CRHR2: variants seen among roughly 807,000 people sequenced by gnomAD.
CRHR2 encodes the protein corticotropin-releasing hormone receptor 2.
In CRHR2, 53 loss-of-function variants were observed where a neutral mutation model predicts 57.9. That is an observed-to-expected ratio of 0.92 (90% CI 0.73 to 1.15). CRHR2 has a LOEUF of 1.15. CRHR2 is among the 50% of genes most tolerant of loss of function. CRHR2 has a pLI of 0.00. For synonymous variants in CRHR2, 213 were observed against 220.9 expected, an observed-to-expected ratio of 0.96 and a Z score of 0.32; for missense variants, 532 against 542.6, an observed-to-expected ratio of 0.98 and a Z score of 0.19.
chr7:30,688,752 G>A, intron 2 of CRHR2: 1 of 454,918 alleles, frequency 2.2e-6, no homozygotes, highest in Non-Finnish European at 4.4e-6. Context: ...CTGTGAATCA[G>A]CCACTGGAAA....
intron 2 of CRHR2, among the ~76,000 whole-genome samples, chr7:30,687,787 G>A (rs1033906277): frequency 1.8e-4 from 27 of 152,304 alleles, no homozygotes; most frequent in African/African-American, 5.8e-4. Flanking sequence ...GCAGGGAGAA[G>A]GCTATGGGTC....
At chr7:30,668,909 A>G (rs368451237) in intron 2 of CRHR2, among the ~76,000 whole-genome samples, 7 of 151,936 alleles carry the variant, frequency 4.6e-5, no homozygotes, top group East Asian at 3.9e-4. Flanking sequence ...ATGGCGCCCA[A>G]CTCCCCAGGT....
chr7:30,698,018 C>T (rs1414974754), intron 1 of CRHR2: 1 of 152,498 alleles, frequency 6.6e-6, no homozygotes, highest in Non-Finnish European at 1.5e-5. Context: ...GGGCAGTCCT[C>T]CTTAAACACT....
At chr7:30,686,236 A>G (rs1784853326), upstream of CRHR2, among the ~76,000 whole-genome samples, 1 of 152,160 alleles carries the variant, frequency 6.6e-6, no homozygotes, top group Non-Finnish European at 1.5e-5. Flanking sequence ...GTGCTGGCCT[A>G]TGTCACATCC....
At position 30,658,449 on chromosome 7, in the gene CRHR2, G is replaced by C. The variant is rs1783872270; in HGVS notation, c.831+2124C>G. Among the ~76,000 whole-genome samples the C allele has an allele frequency of 3.3e-5, 5 of 152,154 alleles. No individual in the cohort carries two copies. In the South Asian group the frequency reaches 8.3e-4, roughly 25 times the overall value. On this transcript the variant is annotated intron_variant, in intron 8 of 11. Transcript: ENST00000471646. Reference sequence around the variant, plus strand: ...CTAGCTGGGGGCCTGGAGGGGTTGGGGGTGGGGGAGATGACATCTTTCCTA... The same window carrying C: ...CTAGCTGGGGGCCTGGAGGGGTTGGCGGTGGGGGAGATGACATCTTTCCTA...
chr7:30,652,670 A>G lies in CRHR2; in HGVS notation c.*790T>C, dbSNP rs1028561382. On this transcript the variant is annotated 3_prime_UTR_variant, in exon 12 of 12. Coordinates refer to ENST00000471646, the MANE Select transcript of CRHR2 (RefSeq NM_001883.5). This position sits in a 1 kb window ranked among gnomAD's most constrained non-coding sequence, Gnocchi z 4.4. ...AAAGGGCAATGGGGTATGAGTTTCAATCACTGAAGACATGGTTGGTTTCTG... is the reference window on the plus strand; with the variant it reads ...AAAGGGCAATGGGGTATGAGTTTCAGTCACTGAAGACATGGTTGGTTTCTG... 3.3e-5 allele frequency: 5 copies of G among 152,358 alleles called. No individual in the cohort carries two copies. The highest frequency in any genetic ancestry group is 1.2e-4 in the African/African-American group (5 of 41,460). 9.4% of individuals were successfully genotyped at this position (152,358 alleles called of 1,614,324 possible).
chr7:30,676,184 T>A (rs1784510707), intron 2 of CRHR2, among the ~76,000 whole-genome samples: 1 of 152,212 alleles, frequency 6.6e-6, no homozygotes, highest in Admixed American at 6.5e-5. Context: ...TAGAGCGCTC[T>A]GCAGCCGGGC....
At chr7:30,667,147 C>T in intron 3 of CRHR2, 81 bp downstream of exon 3, 3 of 1,283,796 alleles carry the variant, frequency 2.3e-6, no homozygotes, top group Non-Finnish European at 2.3e-6. Context: ...ACTGGTCTGC[C>T]CCCCTTGGGA....
intron 2 of CRHR2, among the ~76,000 whole-genome samples, chr7:30,681,208 G>A (rs1287866094): frequency 1.3e-5 from 2 of 152,162 alleles, no homozygotes; most frequent in Non-Finnish European, 2.9e-5. Flanking sequence ...TGATTTGCCA[G>A]GAGGAAGGCA....
chr7:30,678,230 G>C, intron 2 of CRHR2, among the ~76,000 whole-genome samples: 1 of 152,200 alleles, frequency 6.6e-6, no homozygotes, highest in Admixed American at 6.5e-5. Flanking sequence ...CTTTTTGAAA[G>C]GCAGCAGAAC....
At chr7:30,657,496 C>T (rs1252947268) in intron 8 of CRHR2, among the ~76,000 whole-genome samples, 1 of 152,200 alleles carries the variant, frequency 6.6e-6, no homozygotes, top group Admixed American at 6.5e-5. Flanking sequence ...ACACAAGTCA[C>T]CTTAACATAT....
intron 10 of CRHR2, 60 bp from the exon 11 acceptor site, chr7:30,655,140 G>T: frequency 6.3e-7 from 1 of 1,576,366 alleles, no homozygotes; most frequent in Non-Finnish European, 8.7e-7. Flanking sequence ...GTTCTGCCTG[G>T]TGGGGTGGCA....
At chr7:30,692,752 G>A (rs538696362) in intron 1 of CRHR2, among the ~76,000 whole-genome samples, 12 of 152,276 alleles carry the variant, frequency 7.9e-5, no homozygotes, top group South Asian at 2.1e-4. Flanking sequence ...AGAAGACAGC[G>A]GATTGAATCC....
upstream of CRHR2, among the ~76,000 whole-genome samples, chr7:30,683,312 T>A (rs553929731): frequency 2.0e-5 from 3 of 152,328 alleles, no homozygotes; most frequent in South Asian, 6.2e-4. Flanking sequence ...TGGGCAGGGC[T>A]TCACCTGACC....
chr7:30,669,054 G>T (rs1344638508), intron 2 of CRHR2, among the ~76,000 whole-genome samples: 1 of 152,238 alleles, frequency 6.6e-6, no homozygotes, highest in Non-Finnish European at 1.5e-5. Flanking sequence ...TGTAAGGAGG[G>T]TAAGTTCTTT....
chr7:30,686,252 G>A, upstream of CRHR2: 3 of 1,227,814 alleles, frequency 2.4e-6, no homozygotes, highest in Non-Finnish European at 2.1e-6. Context: ...CATCCAGGTT[G>A]CTTTTTATTC....
At chr7:30,686,965 G>C (rs1335755437), upstream of CRHR2, among the ~76,000 whole-genome samples, 1 of 152,010 alleles carries the variant, frequency 6.6e-6, no homozygotes, top group Non-Finnish European at 1.5e-5. Flanking sequence ...AATATAATAA[G>C]CCTACCACCC....
At position 30,668,520 on chromosome 7, in the gene CRHR2, T is replaced by G. The variant is rs116923512; in HGVS notation, c.230-1207A>C. 6.2e-3 allele frequency among the ~76,000 whole-genome samples: 950 copies of G among 152,300 alleles called. 9 individuals are homozygous for G. Among genetic ancestry groups the G allele is most frequent in the Non-Finnish European group, 1.0e-2 (680 of 68,016 alleles). On this transcript the variant is annotated intron_variant, in intron 2 of 11. Transcript: ENST00000471646. ...GTAAAGCTAATTAAAATAAATAGCT[T>G]GCAGAGCACAGAGTTGCAGAGCTGG...
intron 1 of CRHR2, among the ~76,000 whole-genome samples, chr7:30,692,200 A>G (rs1392870403): frequency 2.0e-5 from 3 of 152,134 alleles, no homozygotes; most frequent in Non-Finnish European, 4.4e-5. Flanking sequence ...CTTGGCAAGG[A>G]CTTTAGGAGG....
Sources: gnomAD v4.1 joint callset for allele counts (sites outside exome capture counted in the v4.1 genomes callset) on GRCh38, gnomAD v4.1.1 for gene constraint, Gnocchi (gnomAD v3.1) non-coding constraint, MANE v1.5 for transcripts, NCBI Gene and HGNC (gene_info 2026-07-23, HGNC 2026-07-21) for gene names.